MTAP: variants seen among roughly 807,000 people sequenced by gnomAD.
MTAP encodes methylthioadenosine phosphorylase.
MTAP carries 33 observed loss-of-function variants against 33.6 expected under a neutral mutation model. That is an observed-to-expected ratio of 0.98 (90% confidence interval 0.74 to 1.31). The LOEUF (loss-of-function observed/expected upper bound fraction) is 1.31, where lower values mean the gene tolerates loss of function less well. MTAP is among the 40% of genes most tolerant of loss of function. MTAP has a pLI of 0.00. For synonymous variants in MTAP, 148 were observed against 125.7 expected (o/e 1.18, Z -1.19); for missense variants, 367 against 360.0 (o/e 1.02, Z -0.16).
chr9:21,839,624 T>C (rs914158209), intron 5 of MTAP, among the ~76,000 whole-genome samples: 1 of 152,126 alleles, frequency 6.6e-6, no homozygotes, highest in African/African-American at 2.4e-5. Context: ...TTTAAGAAAA[T>C]GGCAAAATAA....
chr9:21,844,814 C>G (rs937910703), intron 5 of MTAP, among the ~76,000 whole-genome samples: 7 of 152,102 alleles, frequency 4.6e-5, no homozygotes, highest in African/African-American at 1.4e-4. Flanking sequence ...GCGGGCGGAT[C>G]ACAAGGTCAG....
chr9:21,940,523 G>A (rs1378907006), downstream of MTAP, among the ~76,000 whole-genome samples: 1 of 152,154 alleles, frequency 6.6e-6, no homozygotes, highest in East Asian at 1.9e-4. Flanking sequence ...ACTGGATCCT[G>A]AATTCTAATT....
Position 21,864,959 on chromosome 9 carries a change from G to A in MTAP, c.*2945G>A. On this transcript the variant is annotated 3_prime_UTR_variant, in exon 8 of 8. Coordinates refer to ENST00000644715, the MANE Select transcript of MTAP (RefSeq NM_002451.4). Reference sequence around the variant, plus strand: ...AACATGTTTTTAATTTTCTCAACAAGCATTTAGCCAGCACTTATCCAGTGA... The same window carrying A: ...AACATGTTTTTAATTTTCTCAACAAACATTTAGCCAGCACTTATCCAGTGA... The A allele has an allele frequency of 1.0e-6, 1 of 985,422 alleles. No homozygotes were observed. Among genetic ancestry groups the A allele is most frequent in the Non-Finnish European group, 1.2e-6 (1 of 829,924 alleles). 61.0% of individuals were successfully genotyped at this position (985,422 alleles called of 1,614,324 possible).
intron 1 of MTAP, among the ~76,000 whole-genome samples, chr9:21,874,414 C>T (rs937366444): frequency 1.4e-4 from 21 of 152,208 alleles, no homozygotes; most frequent in Non-Finnish European, 2.9e-4. Flanking sequence ...TTATTTAAAT[C>T]AGGATCCAAG....
downstream of MTAP, among the ~76,000 whole-genome samples, chr9:21,870,094 A>G (rs1398551779): frequency 6.6e-6 from 1 of 152,090 alleles, no homozygotes; most frequent in East Asian, 1.9e-4. Context: ...GCAGATAACC[A>G]CCTGGCCTCA....
chr9:21,931,095 C>G (rs1818950379), exon 2 of MTAP: 1 of 763,954 alleles, frequency 1.3e-6, no homozygotes, highest in Non-Finnish European at 2.4e-6. Context: ...CCTAGACTTC[C>G]CATCAGTGGG....
In MTAP at chr9:21,900,696, A is replaced by G. The variant is rs76061231; in HGVS notation, c.148-30312A>G. 5.6e-3 allele frequency among the ~76,000 whole-genome samples: 858 copies of G among 152,340 alleles called. 17 individuals carry two copies. Among genetic ancestry groups the G allele is most frequent in the East Asian group, 0.051 (266 of 5,186 alleles). ...TACCCAAACGAATATAAACTGTTCA[A>G]CCATAAAGACTCATGCATGCTTATG... On this transcript the variant is annotated intron_variant, in intron 1 of 1. Transcript: ENST00000577563.
At position 21,864,586 on chromosome 9, in the gene MTAP, C is replaced by T. The variant is rs1825819181; in HGVS notation, c.*2572C>T. On this transcript the variant is annotated 3_prime_UTR_variant, in exon 8 of 8. Coordinates refer to ENST00000644715, the MANE Select transcript of MTAP (RefSeq NM_002451.4). Reference sequence around the variant, plus strand: ...GAGAATGACATCCTGGCCCTGTGGTCCCCGAGGGTCATGGTCCTTGTGACC... The same window carrying T: ...GAGAATGACATCCTGGCCCTGTGGTTCCCGAGGGTCATGGTCCTTGTGACC... The T allele has an allele frequency of 1.0e-6, 1 of 985,380 alleles. No individual in the cohort carries two copies. The highest frequency in any genetic ancestry group is 1.7e-5 in the African/African-American group (1 of 57,232). The allele number at this position is 985,380 out of a possible 1,614,324, so 61.0% of individuals were successfully genotyped here.
At position 21,923,010 on chromosome 9, in the gene MTAP, C is replaced by T. The variant is rs74842384; in HGVS notation, c.148-7998C>T. On this transcript the variant is annotated intron_variant, in intron 1 of 1. Coordinates refer to the MTAP transcript ENST00000577563. ...TGTTTTCTCTGTGTGTGTTCTGAAA[C>T]GGCCTTGTGTGCCCACCACACTGTC... is the stretch of plus-strand genomic sequence containing the variant. 7.5e-3 allele frequency among the ~76,000 whole-genome samples: 1,148 copies of T among 152,324 alleles called. 17 individuals carry two copies. The highest frequency in any genetic ancestry group is 0.049 in the East Asian group (254 of 5,178).
At chr9:21,855,586 G>A (rs1461218263) in intron 6 of MTAP, among the ~76,000 whole-genome samples, 1 of 152,144 alleles carries the variant, frequency 6.6e-6, no homozygotes, top group Non-Finnish European at 1.5e-5. Flanking sequence ...AGTAGGGCCA[G>A]GCCATACAGA....
At chr9:21,855,688 G>A (rs3935920) in intron 6 of MTAP, among the ~76,000 whole-genome samples, 7,626 of 152,218 alleles carry the variant, frequency 0.05, 273 homozygotes, top group Non-Finnish European at 0.076. Context: ...CTGGAACAAT[G>A]AGGTCAGCTT....
At chr9:21,859,095 C>T (rs1825697944) in intron 6 of MTAP, 1 of 510,804 alleles carries the variant, frequency 2.0e-6, no homozygotes, top group Non-Finnish European at 3.3e-6. Flanking sequence ...GATCACTAAT[C>T]CTATCCACGA....
intron 4 of MTAP, among the ~76,000 whole-genome samples, chr9:21,836,439 A>G (rs1380137582): frequency 2.0e-5 from 3 of 152,160 alleles, no homozygotes; most frequent in Non-Finnish European, 2.9e-5. Context: ...GCAGAGGTAG[A>G]TGAAATGCGG....
chr9:21,914,596 A>G (rs1016016072), intron 1 of MTAP, among the ~76,000 whole-genome samples: 2 of 138,056 alleles, frequency 1.4e-5, no homozygotes, highest in South Asian at 5.4e-4. Context: ...ACTCTTGGCC[A>G]CAGGAAGGGG....
chr9:21,883,768 C>G (rs1195203092), intron 1 of MTAP, among the ~76,000 whole-genome samples: 1 of 151,170 alleles, frequency 6.6e-6, no homozygotes, highest in East Asian at 1.9e-4. Context: ...CTCTAGTGTA[C>G]AGGTAGGGAA....
chr9:21,856,914 T>A (rs1211872053), intron 6 of MTAP, among the ~76,000 whole-genome samples: 1 of 152,224 alleles, frequency 6.6e-6, no homozygotes. Flanking sequence ...AAGCCAGGGC[T>A]CTGGGTGAGG....
intron 4 of MTAP, among the ~76,000 whole-genome samples, chr9:21,825,630 A>C (rs774685686): frequency 3.3e-5 from 5 of 152,168 alleles, no homozygotes; most frequent in Non-Finnish European, 7.4e-5. Context: ...TTGAGCCCAG[A>C]AGTTTGAGAC....
At position 21,852,419 on chromosome 9, in the gene MTAP, A is replaced by G. The variant is rs116835513; in HGVS notation, c.451-2212A>G. ...CCAGCTAATCAGGAGGCTGAGCCAG[A>G]GAACTGCTTGAACCCGTGAGGCAGA... is the stretch of plus-strand genomic sequence containing the variant. On this transcript the variant is annotated intron_variant, in intron 5 of 7. Transcript: ENST00000644715. Among the ~76,000 whole-genome samples, 1,024 of 151,880 alleles carry G rather than the reference A, an allele frequency of 6.7e-3. 22 individuals carry two copies. The highest frequency in any genetic ancestry group is 0.056 in the East Asian group (286 of 5,142).
chr9:21,899,643 C>A (rs1002013453), intron 1 of MTAP, among the ~76,000 whole-genome samples: 1 of 150,156 alleles, frequency 6.7e-6, no homozygotes, highest in South Asian at 2.1e-4. Flanking sequence ...ATGCCAGATG[C>A]TTATAAAACC....
Sources: allele counts gnomAD v4.1 joint callset (sites outside exome capture counted in the v4.1 genomes callset), GRCh38; gene constraint gnomAD v4.1.1; transcripts MANE v1.5; gene names NCBI Gene and HGNC (gene_info 2026-07-23, HGNC 2026-07-21).